The following CRYBG3 variants were observed in gnomAD, a reference collection of about 807,000 sequenced individuals.
The protein encoded by CRYBG3 is very large A-kinase anchor protein.
In CRYBG3, 127 loss-of-function variants were observed where a neutral mutation model predicts 244.2. The ratio of observed to expected loss-of-function variants is 0.52; its 90% confidence interval spans 0.45 to 0.60. The LOEUF is 0.60. Ranked by LOEUF, CRYBG3 falls within the 20% of genes least tolerant of loss-of-function variation. The pLI, the probability that CRYBG3 is intolerant of heterozygous loss-of-function variation, is 0.00. For synonymous variants in CRYBG3, 1,132 were observed against 1,195.8 expected, an observed-to-expected ratio of 0.95 and a Z score of 1.10; for missense variants, 3,325 against 3,442.5, an observed-to-expected ratio of 0.97 and a Z score of 0.85.
rs2039349809 is a variant in CRYBG3 at position 97,874,724 on chromosome 3, A to G, written c.3530A>G (p.Glu1177Gly). ...CAACAGTGTTCTGAAGCCTCTGCTG[A>G]GCACATAGAAGCCAGGAGAAGAGCA... ...SGQQCSEASA[E>G]HIEARRRAHD... The change falls in exon 4 of 22, where the codon GAG becomes GGG. Residue 1177 changes from glutamate (E) to glycine (G), a missense_variant. Physicochemically the swap from Glu to Gly is moderately conservative, Grantham distance 98 (BLOSUM62 -2). Coordinates refer to ENST00000389622, the MANE Select transcript of CRYBG3 (RefSeq NM_153605.4). The G allele has an allele frequency of 2.6e-6, 4 of 1,535,816 alleles. No individual in the cohort carries two copies. Among genetic ancestry groups the G allele is most frequent in the African/African-American group, 1.4e-5 (1 of 73,154 alleles).
At chr3:97,880,988 A>G in intron 6 of CRYBG3, 84 bp from the exon 7 acceptor site, 1 of 1,114,328 alleles carries the variant, frequency 9.0e-7, no homozygotes, top group African/African-American at 1.6e-5. Flanking sequence ...TAAAAAATTT[A>G]AGTAGACAAA....
At position 97,864,551 on chromosome 3, in the gene CRYBG3, C is replaced by T. The variant is rs990435389; in HGVS notation, c.551C>T (p.Pro184Leu). The T allele has an allele frequency of 1.4e-5, 21 of 1,535,708 alleles. No homozygotes were observed. In the African/African-American group the frequency reaches 2.9e-4, roughly 21 times the overall value. ...FSGSLRTQTHPTEEQDSNSSE... is the reference protein window; with the variant it reads ...FSGSLRTQTHLTEEQDSNSSE... ...GGCTCCCTAAGAACCCAGACACATC[C>T]AACAGAAGAACAAGACTCTAACTCA... Residue 184 changes from proline (P) to leucine (L), a missense_variant, in exon 3 of 22, where the codon CCA becomes CTA. Physicochemically the swap from Pro to Leu is moderately conservative, Grantham distance 98. Transcript: ENST00000389622.
intron 9 of CRYBG3, among the ~76,000 whole-genome samples, chr3:97,888,979 T>G (rs1332752143): frequency 6.6e-6 from 1 of 152,210 alleles, no homozygotes; most frequent in East Asian, 1.9e-4. Flanking sequence ...AAATCTACTC[T>G]GCTGAATGAG....
At position 97,900,457 on chromosome 3, in the gene CRYBG3, C is replaced by A; in HGVS notation, c.7976C>A (p.Pro2659Gln). 1 of 1,551,712 alleles carries A rather than the reference C, an allele frequency of 6.4e-7. No individual in the cohort carries two copies. The highest frequency in any genetic ancestry group is 1.1e-5 in the South Asian group (1 of 88,212). Reference sequence around the variant, plus strand: ...ATGTTTTAATATGTTTTTCAGGAACCACTTGGGATAAATGAACCTCCGCAT... The same window carrying A: ...ATGTTTTAATATGTTTTTCAGGAACAACTTGGGATAAATGAACCTCCGCAT... ...IMSIRPIQLE[P>Q]LGINEPPHLL... Residue 2659 changes from proline (P) to glutamine (Q), a missense_variant, in exon 15 of 22, where the codon CCA (proline) becomes CAA (glutamine). Coordinates refer to ENST00000389622, the MANE Select transcript of CRYBG3 (RefSeq NM_153605.4).
rs2039355865 is a variant in CRYBG3, at chr3:97,875,160, T to A, written c.3966T>A (p.Asn1322Lys). ...ATGTAGCCCAAGAAAAATTGAGAAA[T>A]GATACTTTTGAAGATACTGAGGATA... ...IIYVAQEKLR[N>K]DTFEDTEDTW... Residue 1322 changes from asparagine (N) to lysine (K), a missense_variant, in exon 4 of 22, where the codon AAT becomes AAA. Asn to Lys is a moderately conservative substitution (Grantham distance 94, BLOSUM62 0). Around this residue, in one of 4 missense-constraint regions of CRYBG3, gnomAD observed 635 missense variants for 771.7 expected, o/e 0.82. Transcript: ENST00000389622. 6.5e-7 allele frequency: 1 copy of A among 1,535,212 alleles called. No homozygotes were observed. The highest frequency in any genetic ancestry group is 2.4e-5 in the East Asian group (1 of 40,902).
At chr3:97,888,545 C>A in intron 9 of CRYBG3, 90 bp downstream of exon 9, 1 of 830,638 alleles carries the variant, frequency 1.2e-6, no homozygotes, top group Non-Finnish European at 2.0e-6. Context: ...GCATCTCAAT[C>A]TCAAGTGAAT....
chr3:97,841,398 A>G (rs1468921746), intron 1 of CRYBG3, among the ~76,000 whole-genome samples: 3 of 151,708 alleles, frequency 2.0e-5, no homozygotes, highest in African/African-American at 7.3e-5. Flanking sequence ...GGATCTGTTT[A>G]GCGGTATCCG....
rs80169993 is a variant in CRYBG3, at chr3:97,931,458, T to C, written c.8242-2236T>C. 5.7e-3 allele frequency among the ~76,000 whole-genome samples: 867 copies of C among 152,222 alleles called. 7 individuals are homozygous for C. The highest frequency in any genetic ancestry group is 0.019 in the African/African-American group (782 of 41,576). ...ATCATCGCCCACCTGTGTATGTCAG[T>C]GCAGTTCTAGTTTCCTTGCATTTCC... is the stretch of plus-strand genomic sequence containing the variant. On this transcript the variant is annotated intron_variant, in intron 17 of 21. Transcript: ENST00000389622.
At chr3:97,879,891 A>G (rs968582642) in intron 5 of CRYBG3, 94 bp from the exon 6 acceptor site, 4 of 920,266 alleles carry the variant, frequency 4.3e-6, no homozygotes, top group Non-Finnish European at 5.1e-6. Context: ...TATATTTAGG[A>G]TATTTATTTC....
intron 3 of CRYBG3, among the ~76,000 whole-genome samples, chr3:97,865,374 A>C (rs1467640426): frequency 6.6e-6 from 1 of 152,206 alleles, no homozygotes; most frequent in Non-Finnish European, 1.5e-5. Flanking sequence ...AAAATATTAT[A>C]GTGAGATATA....
intron 17 of CRYBG3, among the ~76,000 whole-genome samples, chr3:97,923,043 A>G (rs1303647721): frequency 6.6e-6 from 1 of 152,316 alleles, no homozygotes; most frequent in South Asian, 2.1e-4. Flanking sequence ...TTGTAGGGAC[A>G]TGGATGAAGC....
At chr3:97,906,012 C>A (rs1191535632) in intron 15 of CRYBG3, among the ~76,000 whole-genome samples, 5 of 144,140 alleles carry the variant, frequency 3.5e-5, no homozygotes, top group Non-Finnish European at 7.7e-5. Context: ...ATCCTTTCCC[C>A]ATTGCTTGTT....
intron 4 of CRYBG3, among the ~76,000 whole-genome samples, chr3:97,878,653 G>A (rs2039412029): frequency 6.6e-6 from 1 of 152,116 alleles, no homozygotes; most frequent in African/African-American, 2.4e-5. Flanking sequence ...ATTTCTCAAG[G>A]TACTGTATGT....
At chr3:97,927,862 T>C (rs1296549217) in intron 17 of CRYBG3, among the ~76,000 whole-genome samples, 1 of 152,014 alleles carries the variant, frequency 6.6e-6, no homozygotes, top group Non-Finnish European at 1.5e-5. Context: ...TGAGATACCA[T>C]CTCATACAAG....
intron 3 of CRYBG3, among the ~76,000 whole-genome samples, chr3:97,868,672 A>T (rs1216831918): frequency 6.6e-6 from 1 of 152,144 alleles, no homozygotes; most frequent in East Asian, 1.9e-4. Flanking sequence ...AATGATTCCC[A>T]CTGCCTACCC....
intron 18 of CRYBG3, among the ~76,000 whole-genome samples, chr3:97,935,671 T>C (rs1340166071): frequency 1.3e-5 from 2 of 152,072 alleles, no homozygotes; most frequent in African/African-American, 4.8e-5. Flanking sequence ...TAGAAGTTTT[T>C]AATCTGGAAA....
chr3:97,933,457 A>G (rs751591411), intron 17 of CRYBG3: 1 of 569,084 alleles, frequency 1.8e-6, no homozygotes, highest in Non-Finnish European at 3.2e-6. Context: ...GGCTGTTTTT[A>G]TTATGAGATT....
intron 11 of CRYBG3, among the ~76,000 whole-genome samples, chr3:97,895,188 G>A (rs953519005): frequency 3.9e-5 from 6 of 152,116 alleles, no homozygotes; most frequent in Non-Finnish European, 8.8e-5. Flanking sequence ...GGCTAAGGGC[G>A]GATTTGAGAA....
At position 97,873,489 on chromosome 3, in the gene CRYBG3, T is replaced by TG. The variant is rs1462998479; in HGVS notation, c.2297dup (p.Asn767LysfsTer4). On this transcript the variant is annotated frameshift_variant, in exon 4 of 22. Coordinates refer to ENST00000389622, the MANE Select transcript of CRYBG3 (RefSeq NM_153605.4). LOFTEE classifies it high-confidence loss of function. ...GGTTGGAGCTATTGAGCTTTGACTC[T>TG]GGAAACCTCTCTAAGGATTGCAGTT... is the stretch of plus-strand genomic sequence containing the variant. The TG allele has an allele frequency of 6.5e-7, 1 of 1,536,018 alleles. No individual in the cohort carries two copies.
Sources: allele counts gnomAD v4.1 joint callset (sites outside exome capture counted in the v4.1 genomes callset), GRCh38; gene constraint gnomAD v4.1.1; regional missense constraint gnomAD v4.1.1; transcripts MANE v1.5; gene names NCBI Gene and HGNC (gene_info 2026-07-23, HGNC 2026-07-21).